ANXA4: variants seen among roughly 807,000 people sequenced by gnomAD.
ANXA4 encodes the protein 35-beta calcimedin.
Under a neutral mutation model 49.8 loss-of-function variants are expected in ANXA4, and 39 were observed. The observed-to-expected ratio is 0.78, with a 90% CI of 0.61 to 1.02. The LOEUF is 1.02. Ranked by LOEUF, ANXA4 falls within the 50% of genes least tolerant of loss-of-function variation. The probability of loss-of-function intolerance (pLI) is 0.00; values close to 1 mark genes in which losing one functional copy is unlikely to be tolerated. For missense variants in ANXA4, 360 were observed against 410.1 expected (o/e 0.88, Z 1.05); for synonymous variants, 134 against 152.5 (o/e 0.88, Z 0.89).
chr2:69,649,614 T>C (rs1676151166), intron 1 of ANXA4, among the ~76,000 whole-genome samples: 1 of 137,630 alleles, frequency 7.3e-6, no homozygotes, highest in African/African-American at 2.7e-5. Flanking sequence ...TTTTTTTTTT[T>C]TTTTTTTTTT....
intron 3 of ANXA4, among the ~76,000 whole-genome samples, chr2:69,803,903 C>T (rs1673323452): frequency 6.6e-6 from 1 of 151,866 alleles, no homozygotes; most frequent in African/African-American, 2.4e-5. Flanking sequence ...TTTGGGAGGC[C>T]GAGGAGGGCA....
At chr2:69,787,423 G>A (rs76102661) in intron 2 of ANXA4, among the ~76,000 whole-genome samples, 57 of 152,304 alleles carry the variant, frequency 3.7e-4, no homozygotes, top group African/African-American at 1.3e-3. Flanking sequence ...TTTAAGTGCT[G>A]TGTCTGAGAG....
chr2:69,825,669 T>G lies in ANXA4; in HGVS notation c.*154T>G, dbSNP rs913854892. On this transcript the variant is annotated 3_prime_UTR_variant, in exon 13 of 13. Coordinates refer to ENST00000394295, the MANE Select transcript of ANXA4 (RefSeq NM_001153.5). Reference sequence around the variant, plus strand: ...GAATATAGACTGTCTGTATTATTATTCACCTATAATTAGTCATTATGATGC... The same window carrying G: ...GAATATAGACTGTCTGTATTATTATGCACCTATAATTAGTCATTATGATGC... 7.2e-6 allele frequency: 4 copies of G among 554,720 alleles called. No individual in the cohort carries two copies. The highest frequency in any genetic ancestry group is 1.9e-5 in the African/African-American group (1 of 51,596). 34.4% of individuals were successfully genotyped at this position (554,720 alleles called of 1,614,324 possible).
chr2:69,672,368 T>C (rs139121570), intron 2 of ANXA4, among the ~76,000 whole-genome samples: 2 of 152,008 alleles, frequency 1.3e-5, no homozygotes, highest in East Asian at 3.9e-4. Context: ...GGTAGCTGGG[T>C]TTACAGTTAT....
At chr2:69,765,705 A>G (rs914912323) in intron 1 of ANXA4, among the ~76,000 whole-genome samples, 9 of 152,180 alleles carry the variant, frequency 5.9e-5, no homozygotes, top group African/African-American at 1.9e-4. Context: ...AGGCTTATCT[A>G]AAACCCTAGT....
chr2:69,718,376 C>G (rs1669709682), intron 2 of ANXA4, among the ~76,000 whole-genome samples: 1 of 152,184 alleles, frequency 6.6e-6, no homozygotes. Context: ...CTTTACCTGA[C>G]AATCTCTTAA....
intron 2 of ANXA4, among the ~76,000 whole-genome samples, chr2:69,669,303 A>G (rs189937160): frequency 6.6e-6 from 1 of 151,686 alleles, no homozygotes; most frequent in East Asian, 2.0e-4. Context: ...TAACCAAACA[A>G]ATTTTTGTTT....
intron 3 of ANXA4, among the ~76,000 whole-genome samples, chr2:69,796,023 C>T (rs1188729755): frequency 2.0e-5 from 3 of 152,094 alleles, no homozygotes; most frequent in South Asian, 2.1e-4. Context: ...CAGAATCACC[C>T]GGGGCTCCTG....
At chr2:69,794,729 A>T (rs1573272140) in intron 3 of ANXA4, among the ~76,000 whole-genome samples, 2 of 151,648 alleles carry the variant, frequency 1.3e-5, no homozygotes, top group African/African-American at 4.8e-5. Context: ...TGCCCAGCTA[A>T]TTTTTTTTGC....
At position 69,763,340 on chromosome 2, in the gene ANXA4, G is replaced by A. The variant is rs571421956; in HGVS notation, c.-46-18180G>A. Reference sequence around the variant, plus strand: ...ACTCTCTGCTCAGTTCCAGATCTCCGAGGTGGAGCCAGTTGAAATCTGTGT... The same window carrying A: ...ACTCTCTGCTCAGTTCCAGATCTCCAAGGTGGAGCCAGTTGAAATCTGTGT... On this transcript the variant is annotated intron_variant, in intron 1 of 12. Coordinates refer to ENST00000394295, the MANE Select transcript of ANXA4 (RefSeq NM_001153.5). Among the ~76,000 whole-genome samples the A allele has an allele frequency of 8.4e-4, 128 of 152,292 alleles. 1 individual carries two copies. The highest frequency in any genetic ancestry group is 1.4e-3 in the Non-Finnish European group (94 of 68,020).
At chr2:69,779,200 A>G (rs1672099242) in intron 1 of ANXA4, among the ~76,000 whole-genome samples, 1 of 150,100 alleles carries the variant, frequency 6.7e-6, no homozygotes, top group Non-Finnish European at 1.5e-5. Flanking sequence ...AATGATTTAT[A>G]TTGTGGAAAG....
rs181729548 is a variant in ANXA4, at chr2:69,813,662, A to G, written c.534+953A>G. ...AAGGAAACTGAGGCTCAGAGAGGTCAAGTACCTTGCTCAAGCTCAGAAAGA... is the reference window on the plus strand; with the variant it reads ...AAGGAAACTGAGGCTCAGAGAGGTCGAGTACCTTGCTCAAGCTCAGAAAGA... On this transcript the variant is annotated intron_variant, in intron 8 of 12. Coordinates refer to ENST00000394295, the MANE Select transcript of ANXA4 (RefSeq NM_001153.5). 3.3e-3 allele frequency among the ~76,000 whole-genome samples: 505 copies of G among 152,170 alleles called. 3 individuals are homozygous for G. The highest frequency in any genetic ancestry group is 0.011 in the African/African-American group (477 of 41,510).
chr2:69,669,892 G>A (rs1300855380), intron 2 of ANXA4, among the ~76,000 whole-genome samples: 1 of 152,038 alleles, frequency 6.6e-6, no homozygotes, highest in East Asian at 1.9e-4. Flanking sequence ...CACCTTCCTT[G>A]CCTTATTTTA....
chr2:69,795,203 C>A (rs941202730), intron 3 of ANXA4, among the ~76,000 whole-genome samples: 1 of 152,172 alleles, frequency 6.6e-6, no homozygotes, highest in African/African-American at 2.4e-5. Flanking sequence ...TAGAGGGGTC[C>A]TTTGACAGTG....
At position 69,781,582 on chromosome 2, in the gene ANXA4, G is replaced by T; in HGVS notation, c.9+8G>T. On this transcript the variant is annotated splice_region_variant and intron_variant, in intron 2 of 12. Transcript: ENST00000394295. ...CCTAGAGTCATGGCCATGGTAAGTT[G>T]TGAAATACCTCAACCCTATCTGGTG... 1 of 1,614,016 alleles carries T rather than the reference G, an allele frequency of 6.2e-7. No homozygotes were observed. The highest frequency in any genetic ancestry group is 8.5e-7 in the Non-Finnish European group (1 of 1,179,994).
At chr2:69,737,070 T>A (rs1670263997), upstream of ANXA4, among the ~76,000 whole-genome samples, 1 of 41,884 alleles carries the variant, frequency 2.4e-5, no homozygotes. Context: ...CTCAGAGTGC[T>A]GGGATTACAG....
intron 2 of ANXA4, among the ~76,000 whole-genome samples, chr2:69,678,842 G>C (rs1559072123): frequency 6.6e-6 from 1 of 152,054 alleles, no homozygotes. Context: ...CTTGTATACT[G>C]TTGGTGAAAA....
intron 2 of ANXA4, among the ~76,000 whole-genome samples, chr2:69,783,700 C>T (rs1170374392): frequency 6.6e-6 from 1 of 152,124 alleles, no homozygotes. Flanking sequence ...ACTCTCATAT[C>T]AAGGTAGGAC....
intron 2 of ANXA4, among the ~76,000 whole-genome samples, chr2:69,678,140 G>A (rs532991470): frequency 9.9e-5 from 15 of 152,072 alleles, no homozygotes; most frequent in African/African-American, 1.9e-4. Context: ...CAATATCTGC[G>A]AGGTTTATCT....
Sources: allele counts gnomAD v4.1 joint callset (sites outside exome capture counted in the v4.1 genomes callset), GRCh38; gene constraint gnomAD v4.1.1; transcripts MANE v1.5; gene names NCBI Gene and HGNC (gene_info 2026-07-23, HGNC 2026-07-21).